NETO1: variants seen among roughly 807,000 people sequenced by gnomAD.
NETO1 encodes neuropilin and tolloid-like protein 1.
A neutral mutation model predicts 61.3 loss-of-function variants in NETO1; 26 were observed. That is an observed-to-expected ratio of 0.42 (90% CI 0.31 to 0.59). The LOEUF is 0.59. Among genes scored for constraint, NETO1 ranks in the 20% least tolerant of loss-of-function variants. The pLI, the probability that NETO1 is intolerant of heterozygous loss-of-function variation, is 0.12. For missense variants in NETO1, 531 were observed against 662.8 expected (o/e 0.80, Z 2.18); for synonymous variants, 225 against 225.8 (o/e 1.00, Z 0.03).
chr18:72,764,208 T>A (rs1164529390), intron 7 of NETO1, among the ~76,000 whole-genome samples: 1 of 152,188 alleles, frequency 6.6e-6, no homozygotes, highest in African/African-American at 2.4e-5. Context: ...TCAACTTTTA[T>A]CAGCCTTGAA....
At chr18:72,803,868 A>G (rs183861455) in intron 4 of NETO1, among the ~76,000 whole-genome samples, 2 of 152,040 alleles carry the variant, frequency 1.3e-5, no homozygotes, top group South Asian at 2.1e-4. Flanking sequence ...AACTACATAT[A>G]TATCTCTGTT....
intron 4 of NETO1, among the ~76,000 whole-genome samples, chr18:72,858,593 C>G (rs893256604): frequency 6.6e-6 from 1 of 152,114 alleles, no homozygotes; most frequent in Non-Finnish European, 1.5e-5. Flanking sequence ...GTGGCTGATG[C>G]CCATTTAGAG....
chr18:72,757,681 T>C (rs556944843), intron 7 of NETO1, among the ~76,000 whole-genome samples: 4 of 152,322 alleles, frequency 2.6e-5, no homozygotes, highest in African/African-American at 9.6e-5. Context: ...TAAGTACTGT[T>C]CTGTATAAAC....
intron 3 of NETO1, among the ~76,000 whole-genome samples, chr18:72,862,674 G>A (rs9945273): frequency 0.27 from 38,878 of 144,724 alleles, 5,569 homozygotes; most frequent in East Asian, 0.56. Flanking sequence ...GGGCTGGAGC[G>A]CAGTGGTGCG....
intron 4 of NETO1, among the ~76,000 whole-genome samples, chr18:72,795,113 G>A (rs2072265490): frequency 6.6e-6 from 1 of 152,146 alleles, no homozygotes; most frequent in Non-Finnish European, 1.5e-5. Flanking sequence ...TGTATTTCAG[G>A]GGAAGCCTGC....
At chr18:72,853,671 T>C (rs1211204354) in intron 4 of NETO1, among the ~76,000 whole-genome samples, 1 of 149,530 alleles carries the variant, frequency 6.7e-6, no homozygotes, top group Admixed American at 6.7e-5. Flanking sequence ...GGCACGAGAA[T>C]CACTGAAACC....
chr18:72,793,760 T>C (rs1484884743), intron 6 of NETO1, among the ~76,000 whole-genome samples: 1 of 152,148 alleles, frequency 6.6e-6, no homozygotes, highest in Non-Finnish European at 1.5e-5. Context: ...GAATTTTAGT[T>C]TACAAAATAA....
chr18:72,773,074 G>T (rs1477460527), intron 7 of NETO1, among the ~76,000 whole-genome samples: 2 of 151,554 alleles, frequency 1.3e-5, no homozygotes, highest in African/African-American at 4.8e-5. Context: ...CCACCTACCT[G>T]CAGAACACAA....
chr18:72,839,764 G>A (rs979245634), intron 4 of NETO1, among the ~76,000 whole-genome samples: 7 of 149,718 alleles, frequency 4.7e-5, no homozygotes, highest in Non-Finnish European at 5.9e-5. Flanking sequence ...AACTTTTCCT[G>A]TGATCCAAAT....
intron 6 of NETO1, among the ~76,000 whole-genome samples, chr18:72,785,890 C>T (rs1189977689): frequency 4.6e-5 from 7 of 152,172 alleles, no homozygotes; most frequent in Non-Finnish European, 1.0e-4. Context: ...ACTGCTCCCA[C>T]TCCCCAATCG....
At chr18:72,796,139 G>A (rs1056747894) in intron 4 of NETO1, among the ~76,000 whole-genome samples, 2 of 152,204 alleles carry the variant, frequency 1.3e-5, no homozygotes, top group African/African-American at 4.8e-5. Flanking sequence ...ATTCTTTCTG[G>A]AAGAGATTAG....
chr18:72,744,790 G>T lies in NETO1; in HGVS notation c.*3389C>A, dbSNP rs1358275775. On this transcript the variant is annotated 3_prime_UTR_variant, in exon 11 of 11. Transcript: ENST00000327305. ...CTGACAAAACATCAGTAAATTAATT[G>T]CCGCCACTTTAATCAAGGTAATAGG... 6.6e-6 allele frequency: 1 copy of T among 152,026 alleles called. No individual in the cohort carries two copies. The highest frequency in any genetic ancestry group is 1.5e-5 in the Non-Finnish European group (1 of 68,006). 9.4% of individuals were successfully genotyped at this position (152,026 alleles called of 1,614,324 possible). A position where few individuals can be genotyped will look rare whatever the true frequency, so the allele number is the denominator to read the frequency against.
At chr18:72,838,129 T>A (rs547912650) in intron 4 of NETO1, among the ~76,000 whole-genome samples, 1 of 152,348 alleles carries the variant, frequency 6.6e-6, no homozygotes, top group African/African-American at 2.4e-5. Context: ...GAAACAAGCC[T>A]GTCCTCCTTC....
At chr18:72,775,111 G>A (rs946854213) in intron 7 of NETO1, among the ~76,000 whole-genome samples, 7 of 152,216 alleles carry the variant, frequency 4.6e-5, no homozygotes, top group Non-Finnish European at 8.8e-5. Flanking sequence ...CAGAGGTGAA[G>A]AGTTAGCAAA....
In NETO1 at chr18:72,745,425, A is replaced by G. The variant is rs2070409199; in HGVS notation, c.*2754T>C. ...AAAACTTGAAAAAATAAAATGAAAA[A>G]GAATAGCTTTATGAAATTAACACAG... On this transcript the variant is annotated 3_prime_UTR_variant, in exon 11 of 11. Transcript: ENST00000327305. The G allele has an allele frequency of 6.6e-6, 1 of 152,206 alleles. No individual in the cohort carries two copies. The highest frequency in any genetic ancestry group is 2.1e-4 in the South Asian group (1 of 4,834). The allele number at this position is 152,206 out of a possible 1,614,324, so 9.4% of individuals were successfully genotyped here.
intron 4 of NETO1, among the ~76,000 whole-genome samples, chr18:72,810,932 G>A (rs1400428679): frequency 6.6e-6 from 1 of 152,138 alleles, no homozygotes; most frequent in African/African-American, 2.4e-5. Flanking sequence ...ACTGCTTTTA[G>A]ACTTTTCATT....
rs1380075830 is a variant in NETO1 at position 72,828,119 on chromosome 18, C to A, written c.469+30707G>T. On this transcript the variant is annotated intron_variant, in intron 4 of 10. Coordinates refer to ENST00000327305, the MANE Select transcript of NETO1 (RefSeq NM_138966.5). ...CCTGAGCTCAGGAGTTCGAGACCAG[C>A]CAGGCCAATATGGCGAAACCCCGTC... is the stretch of plus-strand genomic sequence containing the variant. Among the ~76,000 whole-genome samples, 3 of 152,142 alleles carry A rather than the reference C, an allele frequency of 2.0e-5. No homozygotes were observed. In the East Asian group the frequency reaches 5.8e-4, roughly 29 times the overall value.
intron 4 of NETO1, among the ~76,000 whole-genome samples, chr18:72,810,663 A>C (rs925625332): frequency 2.0e-5 from 3 of 152,194 alleles, no homozygotes; most frequent in African/African-American, 4.8e-5. Context: ...TTGCTCCTAC[A>C]ATTCTGCTTA....
At chr18:72,865,547 C>T (rs769796162) in intron 1 of NETO1, 2 of 1,603,274 alleles carry the variant, frequency 1.2e-6, no homozygotes, top group Non-Finnish European at 1.7e-6. Context: ...AGTGGGACTA[C>T]AGGAGTCACA....
Sources: allele counts gnomAD v4.1 joint callset (sites outside exome capture counted in the v4.1 genomes callset), GRCh38; gene constraint gnomAD v4.1.1; transcripts MANE v1.5; gene names NCBI Gene and HGNC (gene_info 2026-07-23, HGNC 2026-07-21).